Variants in CYP2S1 observed in about 807,000 individuals in gnomAD.
CYP2S1 encodes cytochrome P450 2S1.
In CYP2S1, 32 loss-of-function variants were observed where a neutral mutation model predicts 43.5. The observed-to-expected ratio is 0.74, with a 90% CI of 0.56 to 0.99. The LOEUF is 0.99. CYP2S1 is among the 50% of genes least tolerant of loss of function. CYP2S1 has a pLI of 0.00. For missense variants in CYP2S1, 575 were observed against 673.9 expected (o/e 0.85, Z 1.62); for synonymous variants, 283 against 302.9 (o/e 0.93, Z 0.68).
chr19:41,194,217 T>C (rs1599711023), intron 1 of CYP2S1, among the ~76,000 whole-genome samples: 3 of 151,752 alleles, frequency 2.0e-5, no homozygotes. Context: ...GGCTGGATAT[T>C]TGGGGGGCAG....
intron 2 of CYP2S1, among the ~76,000 whole-genome samples, chr19:41,196,352 CAG>C (rs2033413000): frequency 6.6e-6 from 1 of 152,120 alleles, no homozygotes; most frequent in Admixed American, 6.6e-5. Context: ...TGAGTCACGT[CAG>C]AGTGTTTGGG....
Position 41,207,151 on chromosome 19 carries a change from C to T in CYP2S1, c.*663C>T. The T allele has an allele frequency of 3.5e-6, 1 of 286,490 alleles. No homozygotes were observed. Among genetic ancestry groups the T allele is most frequent in the Non-Finnish European group, 6.9e-6 (1 of 145,476 alleles). The allele number at this position is 286,490 out of a possible 1,614,324, so 17.7% of individuals were successfully genotyped here. A position where few individuals can be genotyped will look rare whatever the true frequency, so the allele number is the denominator to read the frequency against. ...GCCGCCCCCACAGAGGCACAGTCCCCAGCCACCTCTGCAACTGCAGCCCTC... is the reference window on the plus strand; with the variant it reads ...GCCGCCCCCACAGAGGCACAGTCCCTAGCCACCTCTGCAACTGCAGCCCTC... On this transcript the variant is annotated 3_prime_UTR_variant, in exon 9 of 9. Coordinates refer to ENST00000310054, the MANE Select transcript of CYP2S1 (RefSeq NM_030622.8).
Position 41,206,527 on chromosome 19 carries a change from G to C in CYP2S1, c.*39G>C, listed in dbSNP as rs775924089. The C allele has an allele frequency of 6.2e-7, 1 of 1,611,220 alleles. No individual in the cohort carries two copies. Among genetic ancestry groups the C allele is most frequent in the Admixed American group, 1.7e-5 (1 of 60,008 alleles). ...GGAAGTGGTGGGTGCCCAGGACGGT[G>C]CCTCCAGCCTCAACAGTGGGCATGG... On this transcript the variant is annotated 3_prime_UTR_variant, in exon 9 of 9. Transcript: ENST00000310054.
At chr19:41,194,816 G>A in intron 2 of CYP2S1, 107 bp downstream of exon 2, 4 of 1,446,770 alleles carry the variant, frequency 2.8e-6, no homozygotes, top group Non-Finnish European at 2.7e-6. Context: ...GTCAAATGGA[G>A]TGATAACAGT....
chr19:41,202,559 G>A (rs2033503280), intron 6 of CYP2S1, among the ~76,000 whole-genome samples: 1 of 152,090 alleles, frequency 6.6e-6, no homozygotes, highest in Non-Finnish European at 1.5e-5. Flanking sequence ...GGAGGCTGAG[G>A]TGGGAGGATC....
Position 41,206,793 on chromosome 19 carries a change from T to G in CYP2S1, c.*305T>G, listed in dbSNP as rs1232810155. On this transcript the variant is annotated 3_prime_UTR_variant, in exon 9 of 9. Coordinates refer to ENST00000310054, the MANE Select transcript of CYP2S1 (RefSeq NM_030622.8). ...TAGCCAGGTAACCCACCAACTCCCC[T>G]GGATCTGCAGCCCACACGTGGGAGT... 6 of 572,078 alleles carry G rather than the reference T, an allele frequency of 1.0e-5. No homozygotes were observed. The highest frequency in any genetic ancestry group is 7.5e-5 in the South Asian group (5 of 66,700). 35.4% of individuals were successfully genotyped at this position (572,078 alleles called of 1,614,324 possible). A position where few individuals can be genotyped will look rare whatever the true frequency, so the allele number is the denominator to read the frequency against.
At chr19:41,193,890 TG>T in intron 1 of CYP2S1, 1 of 157,490 alleles carries the variant, frequency 6.3e-6, no homozygotes, top group Non-Finnish European at 1.4e-5. Flanking sequence ...GAGAAGAGGC[TG>T]GAGGGTTGCA....
intron 7 of CYP2S1, among the ~76,000 whole-genome samples, chr19:41,205,342 T>TTTTTTTCTTTCTTTCTTTCTTTC (rs1555727534): frequency 1.9e-4 from 21 of 111,712 alleles, no homozygotes; most frequent in South Asian, 5.6e-4. Context: ...TTCTTTCTTT[T>TTTTTTTCTTTCTTTCTTTCTTTC]TTTCTTTCTT....
At position 41,198,744 on chromosome 19, in the gene CYP2S1, G is replaced by C; in HGVS notation, c.690G>C (p.Leu230=). 1 of 1,614,094 alleles carries C rather than the reference G, an allele frequency of 6.2e-7. No homozygotes were observed. The highest frequency in any genetic ancestry group is 8.5e-7 in the Non-Finnish European group (1 of 1,180,002). The change falls in exon 5 of 9, where the codon CTG becomes CTC. Residue 230 remains leucine, a synonymous_variant. Coordinates refer to ENST00000310054, the MANE Select transcript of CYP2S1 (RefSeq NM_030622.8). This position sits in a 1 kb window ranked among gnomAD's most constrained non-coding sequence, Gnocchi z 4.9. ...TGTTCTCCTGGTTCCTGCGGCCCCT[G>C]CCAGGCCCCCACAAGCAGCTCCTCC... ...YEMFSWFLRP[L]PGPHKQLLHH...
At chr19:41,201,422 T>C in intron 6 of CYP2S1, 50 bp downstream of exon 6, 2 of 1,592,302 alleles carry the variant, frequency 1.3e-6, no homozygotes, top group Non-Finnish European at 1.7e-6. Flanking sequence ...GTCAGGGTTC[T>C]AGGCTGAGCA....
intron 6 of CYP2S1, among the ~76,000 whole-genome samples, chr19:41,201,580 T>C (rs1019613936): frequency 8.6e-5 from 13 of 151,914 alleles, no homozygotes; most frequent in African/African-American, 3.1e-4. Flanking sequence ...TGGCATGCAC[T>C]TGTAATCCCA....
chr19:41,198,465 G>A lies in CYP2S1; in HGVS notation c.497G>A (p.Arg166His), dbSNP rs45457494. 3,915 of 1,613,516 alleles carry A rather than the reference G, an allele frequency of 2.4e-3. 8 individuals carry two copies. The highest frequency in any genetic ancestry group is 2.9e-3 in the Non-Finnish European group (3,448 of 1,179,796). ...LVETFQGTEG[R>H]PFDPSLLLAQ... Reference sequence around the variant, plus strand: ...TCCCTGCCCCCATTCCCCCCAGGACGCCCATTCGATCCCTCCCTGCTGCTG... The same window carrying A: ...TCCCTGCCCCCATTCCCCCCAGGACACCCATTCGATCCCTCCCTGCTGCTG... The change falls in exon 4 of 9, where the codon CGC (arginine) becomes CAC (histidine). Residue 166 changes from arginine to histidine, a missense_variant. Coordinates refer to ENST00000310054, the MANE Select transcript of CYP2S1 (RefSeq NM_030622.8). This position sits in a 1 kb window ranked among gnomAD's most constrained non-coding sequence, Gnocchi z 4.9.
intron 2 of CYP2S1, 130 bp downstream of exon 2, chr19:41,194,839 G>A (rs1226764416): frequency 1.5e-6 from 2 of 1,329,022 alleles, no homozygotes; most frequent in African/African-American, 1.5e-5. Context: ...CCATCAGCCG[G>A]GTGCAGTGGC....
At chr19:41,202,121 A>G (rs1055628794) in intron 6 of CYP2S1, among the ~76,000 whole-genome samples, 11 of 152,010 alleles carry the variant, frequency 7.2e-5, no homozygotes, top group African/African-American at 2.7e-4. Context: ...CCAAGTAGCT[A>G]GGATTACAAG....
chr19:41,194,288 T>G (rs2033381092), intron 1 of CYP2S1, among the ~76,000 whole-genome samples: 1 of 151,502 alleles, frequency 6.6e-6, no homozygotes, highest in Non-Finnish European at 1.5e-5. Context: ...GCGTCAGAGG[T>G]TAGGGTTCAG....
intron 7 of CYP2S1, among the ~76,000 whole-genome samples, chr19:41,204,613 TC>T (rs2033539253): frequency 2.8e-5 from 3 of 107,646 alleles, no homozygotes; most frequent in Non-Finnish European, 5.5e-5. Flanking sequence ...TTTTTTTTTT[TC>T]CGAGATGGAG....
intron 7 of CYP2S1, among the ~76,000 whole-genome samples, chr19:41,205,362 C>CTT (rs1555727570): frequency 8.4e-6 from 1 of 119,208 alleles, no homozygotes; most frequent in Admixed American, 7.8e-5. Flanking sequence ...TTCTTTCTTT[C>CTT]TTTCTTTCTT....
In CYP2S1 at chr19:41,198,672, A is replaced by C. The variant is rs780400545; in HGVS notation, c.655-37A>C. The C allele has an allele frequency of 2.5e-6, 4 of 1,613,396 alleles. No homozygotes were observed. The African/African-American group carries it at 4.0e-5, about 16-fold the overall frequency. The stretch of plus-strand genomic sequence containing the variant: ...ACTACCTTCCCTGAAGGTTCCTGCC[A>C]AGGTCCCATGAGAACTAGCTGCCCT... On this transcript the variant is annotated intron_variant, in intron 4 of 8. Transcript: ENST00000310054. This position sits in a 1 kb window ranked among gnomAD's most constrained non-coding sequence, Gnocchi z 4.9.
At chr19:41,197,984 C>T (rs1293622852) in intron 3 of CYP2S1, 56 bp downstream of exon 3, 1 of 1,542,720 alleles carries the variant, frequency 6.5e-7, no homozygotes, top group African/African-American at 1.4e-5. Flanking sequence ...GAAAACTCTC[C>T]TACTGTGGCT....
Sources: gnomAD v4.1 joint callset for allele counts (sites outside exome capture counted in the v4.1 genomes callset) on GRCh38, gnomAD v4.1.1 for gene constraint, Gnocchi (gnomAD v3.1) non-coding constraint, MANE v1.5 for transcripts, NCBI Gene and HGNC (gene_info 2026-07-23, HGNC 2026-07-21) for gene names.